The following CCDC172 variants were observed in gnomAD, a reference collection of about 807,000 sequenced individuals.
CCDC172 encodes coiled-coil domain-containing protein 172.
Under a neutral mutation model 38.0 loss-of-function variants are expected in CCDC172, and 30 were observed. The ratio of observed to expected loss-of-function variants is 0.79; its 90% CI spans 0.59 to 1.07. The LOEUF (loss-of-function observed/expected upper bound fraction) is 1.07, where lower values mean the gene tolerates loss of function less well. Ranked by LOEUF, CCDC172 falls within the 50% of genes least tolerant of loss-of-function variation. CCDC172 has a pLI of 0.00. For synonymous variants in CCDC172, 78 were observed against 88.3 expected (o/e 0.88, Z 0.66); for missense variants, 297 against 290.1 (o/e 1.02, Z -0.17).
At chr10:116,374,595 G>A (rs1417098821) in intron 7 of CCDC172, among the ~76,000 whole-genome samples, 1 of 151,864 alleles carries the variant, frequency 6.6e-6, no homozygotes, top group Non-Finnish European at 1.5e-5. Flanking sequence ...CATGGATAAA[G>A]GGGGACTATA....
chr10:116,327,786 T>G (rs10430687), intron 3 of CCDC172, among the ~76,000 whole-genome samples: 53,201 of 151,942 alleles, frequency 0.35, 10,188 homozygotes, highest in Non-Finnish European at 0.44. Flanking sequence ...GGTATGTATA[T>G]GTGCATAAAG....
chr10:116,366,992 T>G (rs887333930), intron 7 of CCDC172, among the ~76,000 whole-genome samples: 6 of 152,200 alleles, frequency 3.9e-5, no homozygotes, highest in African/African-American at 1.4e-4. Context: ...CTAGATTGTT[T>G]GAGTAATTTG....
chr10:116,325,275 G>A, intron 2 of CCDC172, 28 bp from the exon 3 acceptor site: 1 of 1,588,624 alleles, frequency 6.3e-7, no homozygotes, highest in South Asian at 1.1e-5. Flanking sequence ...AAAGATTGAT[G>A]TGTTTAAAGA....
chr10:116,342,616 G>A (rs1398555132), intron 5 of CCDC172, among the ~76,000 whole-genome samples: 1 of 152,122 alleles, frequency 6.6e-6, no homozygotes, highest in Non-Finnish European at 1.5e-5. Flanking sequence ...AGTGGAGAGA[G>A]TTTTATTTCA....
intron 5 of CCDC172, among the ~76,000 whole-genome samples, chr10:116,348,962 G>A (rs1844899184): frequency 6.6e-6 from 1 of 152,082 alleles, no homozygotes; most frequent in Admixed American, 6.5e-5. Context: ...GCGGGTGAGT[G>A]AGCAAAGCTT....
At chr10:116,354,450 A>G (rs758730451) in intron 5 of CCDC172, among the ~76,000 whole-genome samples, 1 of 152,160 alleles carries the variant, frequency 6.6e-6, no homozygotes. Context: ...CAGGCCAGGC[A>G]TGGTGGCTCA....
chr10:116,341,908 C>A, intron 4 of CCDC172, 128 bp from the exon 5 acceptor site: 1 of 620,460 alleles, frequency 1.6e-6, no homozygotes, highest in Non-Finnish European at 2.2e-6. Flanking sequence ...ACATTTTTGC[C>A]ATAAAACCAG....
At position 116,342,115 on chromosome 10, in the gene CCDC172, T is replaced by G. The variant is rs1222235755; in HGVS notation, c.362T>G (p.Ile121Arg). The G allele has an allele frequency of 3.9e-6, 6 of 1,552,078 alleles. No homozygotes were observed. The highest frequency in any genetic ancestry group is 4.3e-6 in the Non-Finnish European group (5 of 1,158,040). ...ACAGACTTTAATAATGATTATGAAA[T>G]AACAAAGAAAAGAGAGCTTTTGATG... ...EITDFNNDYE[I>R]TKKRELLMKE... The change falls in exon 5 of 9, where the codon ATA (isoleucine) becomes AGA (arginine). Residue 121 changes from isoleucine (I) to arginine (R), a missense_variant. Coordinates refer to ENST00000333254, the MANE Select transcript of CCDC172 (RefSeq NM_198515.3).
intron 7 of CCDC172, among the ~76,000 whole-genome samples, chr10:116,369,014 A>G (rs1480034547): frequency 2.0e-5 from 3 of 152,056 alleles, no homozygotes; most frequent in East Asian, 3.8e-4. Context: ...CAACAAGCCT[A>G]CTAAATAAAG....
At chr10:116,374,702 C>T (rs1191926062) in intron 7 of CCDC172, among the ~76,000 whole-genome samples, 1 of 151,782 alleles carries the variant, frequency 6.6e-6, no homozygotes, top group African/African-American at 2.4e-5. Context: ...GGGCAAAGCA[C>T]ATATAGAACA....
intron 5 of CCDC172, among the ~76,000 whole-genome samples, chr10:116,346,037 A>T (rs1844862555): frequency 6.6e-6 from 1 of 152,114 alleles, no homozygotes. Flanking sequence ...AATGTCCGTT[A>T]AGAAGTGAAT....
In CCDC172 at chr10:116,379,943, G is replaced by A. The variant is rs1845293771; in HGVS notation, c.*585G>A. The stretch of plus-strand genomic sequence containing the variant: ...CTTCAGTCATGATTGGAAACTTCCT[G>A]AGGCCTCCCTAGAAGCAGAAGTCAC... On this transcript the variant is annotated 3_prime_UTR_variant, in exon 9 of 9. Coordinates refer to ENST00000333254, the MANE Select transcript of CCDC172 (RefSeq NM_198515.3). 1 of 152,324 alleles carries A rather than the reference G, an allele frequency of 6.6e-6. No homozygotes were observed. Among genetic ancestry groups the A allele is most frequent in the South Asian group, 2.1e-4 (1 of 4,824 alleles). The allele number at this position is 152,324 out of a possible 1,614,324, so 9.4% of individuals were successfully genotyped here. A position where few individuals can be genotyped will look rare whatever the true frequency, so the allele number is the denominator to read the frequency against.
At position 116,361,032 on chromosome 10, in the gene CCDC172, C is replaced by CTAT. The variant is rs140026446; in HGVS notation, c.653+3144_653+3146dup. ...ATTGGGCCTCTGTAAACCCCCAAAC[C>CTAT]TATTATTATTATTATTATTATTATT... On this transcript the variant is annotated intron_variant, in intron 7 of 8. Transcript: ENST00000333254. Among the ~76,000 whole-genome samples, 73 of 142,254 alleles carry CTAT rather than the reference C, an allele frequency of 5.1e-4. 1 individual carries two copies. Among genetic ancestry groups the CTAT allele is most frequent in the African/African-American group, 1.2e-3 (45 of 38,526 alleles). The allele number at this position is 142,254 out of a possible 152,430, so 93.3% of individuals were successfully genotyped here.
In CCDC172 at chr10:116,379,756, G is replaced by A. The variant is rs1845290184; in HGVS notation, c.*398G>A. On this transcript the variant is annotated 3_prime_UTR_variant, in exon 9 of 9. Transcript: ENST00000333254. ...CACTGTTGGAGGTGGGTCCTGATAG[G>A]AGGTGATTGGGTCATGGGGGTGGGT... The A allele has an allele frequency of 6.4e-6, 1 of 157,192 alleles. No homozygotes were observed. The highest frequency in any genetic ancestry group is 2.4e-5 in the African/African-American group (1 of 41,614). 9.7% of individuals were successfully genotyped at this position (157,192 alleles called of 1,614,324 possible).
chr10:116,362,722 T>C (rs1268258937), intron 7 of CCDC172, among the ~76,000 whole-genome samples: 1 of 152,234 alleles, frequency 6.6e-6, no homozygotes, highest in Non-Finnish European at 1.5e-5. Flanking sequence ...CCATCTTTTT[T>C]AACATTTATA....
chr10:116,337,232 C>T (rs1844743115), intron 3 of CCDC172, among the ~76,000 whole-genome samples: 2 of 151,580 alleles, frequency 1.3e-5, no homozygotes, highest in Non-Finnish European at 2.9e-5. Context: ...TGGCTCACTG[C>T]AACCTCTGCC....
At chr10:116,332,167 A>G (rs144926842) in intron 3 of CCDC172, among the ~76,000 whole-genome samples, 99 of 152,228 alleles carry the variant, frequency 6.5e-4, no homozygotes, top group African/African-American at 2.3e-3. Flanking sequence ...CTTGAATTTT[A>G]TCACCATCCT....
chr10:116,326,454 C>T (rs74723409), intron 3 of CCDC172, among the ~76,000 whole-genome samples: 16,899 of 152,066 alleles, frequency 0.11, 1,090 homozygotes, highest in East Asian at 0.21. Flanking sequence ...CTGTCTGCTT[C>T]AAATATAACT....
chr10:116,349,616 CAGAG>C (rs1452861696), intron 5 of CCDC172, among the ~76,000 whole-genome samples: 1 of 152,088 alleles, frequency 6.6e-6, no homozygotes, highest in Non-Finnish European at 1.5e-5. Context: ...TAAATTTTCA[CAGAG>C]AGAGGAACTA....
Sources: allele counts gnomAD v4.1 joint callset (sites outside exome capture counted in the v4.1 genomes callset), GRCh38; gene constraint gnomAD v4.1.1; transcripts MANE v1.5; gene names NCBI Gene and HGNC (gene_info 2026-07-23, HGNC 2026-07-21).